Variants in DNAH5 observed in about 807,000 individuals in gnomAD.
The protein encoded by DNAH5 is dynein axonemal heavy chain 5.
DNAH5 carries 372 observed loss-of-function variants against 518.2 expected under a neutral mutation model. The ratio of observed to expected loss-of-function variants is 0.72; its 90% CI spans 0.66 to 0.78. The LOEUF (loss-of-function observed/expected upper bound fraction) is 0.78, where lower values mean the gene tolerates loss of function less well. Ranked by LOEUF, DNAH5 falls within the 30% of genes least tolerant of loss-of-function variation. DNAH5 has a pLI of 0.00. For missense variants in DNAH5, 5,523 were observed against 5,687.0 expected (o/e 0.97, Z 0.93); for synonymous variants, 2,039 against 2,025.9 (o/e 1.01, Z -0.17).
At chr5:13,702,305 A>T (rs1742220204) in intron 76 of DNAH5, among the ~76,000 whole-genome samples, 1 of 152,248 alleles carries the variant, frequency 6.6e-6, no homozygotes, top group South Asian at 2.1e-4. Flanking sequence ...CCTATTTTTC[A>T]AGAGTTATTG....
chr5:13,739,026 T>C (rs1335555991), intron 65 of DNAH5, among the ~76,000 whole-genome samples: 1 of 152,038 alleles, frequency 6.6e-6, no homozygotes, highest in East Asian at 1.9e-4. Context: ...AACAGCAAAA[T>C]CACAGGAGCT....
At chr5:13,791,234 A>T (rs1409930515) in intron 50 of DNAH5, among the ~76,000 whole-genome samples, 1 of 152,144 alleles carries the variant, frequency 6.6e-6, no homozygotes, top group Non-Finnish European at 1.5e-5. Context: ...CTGTGTGTTT[A>T]TATGGAGAAG....
chr5:13,966,451 T>C (rs997385614), intron 1 of DNAH5, among the ~76,000 whole-genome samples: 1 of 152,220 alleles, frequency 6.6e-6, no homozygotes, highest in Non-Finnish European at 1.5e-5. Flanking sequence ...CTGTTTTCCA[T>C]AGTGGTTGTA....
chr5:13,921,992 T>C, intron 5 of DNAH5, 115 bp downstream of exon 5: 1 of 1,146,322 alleles, frequency 8.7e-7, no homozygotes, highest in South Asian at 1.3e-5. Flanking sequence ...ACAAAAATTT[T>C]TGAAGAACTG....
At chr5:13,788,546 T>G (rs770519792) in intron 51 of DNAH5, among the ~76,000 whole-genome samples, 170 bp downstream of exon 51, 5 of 152,228 alleles carry the variant, frequency 3.3e-5, no homozygotes, top group Non-Finnish European at 7.3e-5. Context: ...TCCATGATAA[T>G]GCATTAATTC....
At chr5:13,834,490 T>C (rs1043837538) in intron 35 of DNAH5, among the ~76,000 whole-genome samples, 1 of 152,246 alleles carries the variant, frequency 6.6e-6, no homozygotes, top group Admixed American at 6.5e-5. Flanking sequence ...TAATCACTTC[T>C]TTCATTTATT....
At chr5:13,798,021 A>G (rs1758091992) in intron 47 of DNAH5, among the ~76,000 whole-genome samples, 1 of 116,834 alleles carries the variant, frequency 8.6e-6, no homozygotes, top group African/African-American at 3.4e-5. Flanking sequence ...ACTTGCACAC[A>G]GGGCGAGGAA....
At chr5:13,866,560 A>T (rs1045631719) in intron 25 of DNAH5, among the ~76,000 whole-genome samples, 9 of 152,312 alleles carry the variant, frequency 5.9e-5, no homozygotes, top group African/African-American at 2.2e-4. Context: ...AAGAGGAGTC[A>T]ATGCCTGTTC....
At chr5:13,982,100 CTG>C (rs1782712979) in intron 1 of DNAH5, among the ~76,000 whole-genome samples, 1 of 152,260 alleles carries the variant, frequency 6.6e-6, no homozygotes. Flanking sequence ...TTCATAAACA[CTG>C]TGCTGCCAAA....
At chr5:13,945,855 C>T (rs1481173760), upstream of DNAH5, among the ~76,000 whole-genome samples, 7 of 152,176 alleles carry the variant, frequency 4.6e-5, no homozygotes, top group Non-Finnish European at 7.3e-5. Flanking sequence ...TTGCCCACCT[C>T]GGCCTCCCAA....
chr5:13,939,936 A>G (rs1192143311), intron 1 of DNAH5, among the ~76,000 whole-genome samples: 1 of 152,158 alleles, frequency 6.6e-6, no homozygotes, highest in Non-Finnish European at 1.5e-5. Flanking sequence ...CCTCTATTGC[A>G]AAGAGATAGC....
chr5:13,925,290 C>A (rs944002053), intron 3 of DNAH5, among the ~76,000 whole-genome samples: 22 of 152,166 alleles, frequency 1.4e-4, no homozygotes, highest in African/African-American at 5.1e-4. Context: ...AAAAAAAAAT[C>A]TGCAGAAATT....
intron 78 of DNAH5, among the ~76,000 whole-genome samples, chr5:13,700,030 G>A (rs894797391): frequency 3.9e-5 from 6 of 152,176 alleles, no homozygotes; most frequent in East Asian, 1.9e-4. Context: ...TTAGAATCAC[G>A]TGTGTACTTC....
intron 53 of DNAH5, among the ~76,000 whole-genome samples, chr5:13,779,169 G>A (rs1754711203): frequency 6.6e-6 from 1 of 152,154 alleles, no homozygotes; most frequent in Admixed American, 6.5e-5. Context: ...TTATACAAAT[G>A]TTAGGAACAA....
At chr5:13,734,764 T>C (rs1383326903) in intron 68 of DNAH5, among the ~76,000 whole-genome samples, 1 of 152,154 alleles carries the variant, frequency 6.6e-6, no homozygotes, top group African/African-American at 2.4e-5. Context: ...TCCTCCCACT[T>C]CATAATGCCC....
rs1370748348 is a variant in DNAH5, at chr5:13,735,341, A to C, written c.11571-20T>G. The C allele has an allele frequency of 5.6e-6, 9 of 1,610,422 alleles. No individual in the cohort carries two copies. Among genetic ancestry groups the C allele is most frequent in the Non-Finnish European group, 7.6e-6 (9 of 1,177,058 alleles). On this transcript the variant is annotated intron_variant, in intron 67 of 78. Transcript: ENST00000265104. ...ACAGACCTGGTGAATAGAATATTTAAATCAGGCTTATCCCACTGCCCTTTT... is the reference window on the plus strand; with the variant it reads ...ACAGACCTGGTGAATAGAATATTTACATCAGGCTTATCCCACTGCCCTTTT...
chr5:13,823,561 GGAAAA>G (rs1186214023), intron 39 of DNAH5, among the ~76,000 whole-genome samples, 191 bp from the exon 40 acceptor site: 1 of 151,940 alleles, frequency 6.6e-6, no homozygotes, highest in African/African-American at 2.4e-5. Flanking sequence ...AAAATAAAGA[GGAAAA>G]GAACAGGGAG....
chr5:13,695,326 C>G (rs10038468), intron 78 of DNAH5, among the ~76,000 whole-genome samples: 85,852 of 151,408 alleles, frequency 0.57, 24,645 homozygotes, highest in African/African-American at 0.65. Flanking sequence ...GGGAGGTATA[C>G]GGAGGGAGAG....
chr5:13,775,574 C>G (rs1223476735), intron 55 of DNAH5, among the ~76,000 whole-genome samples: 1 of 152,116 alleles, frequency 6.6e-6, no homozygotes, highest in East Asian at 1.9e-4. Context: ...AGTCTCAGTA[C>G]TGATCCCACT....
Sources: gnomAD v4.1 joint callset for allele counts (sites outside exome capture counted in the v4.1 genomes callset) on GRCh38, gnomAD v4.1.1 for gene constraint, MANE v1.5 for transcripts, NCBI Gene and HGNC (gene_info 2026-07-23, HGNC 2026-07-21) for gene names.